TWSG1: variants seen among roughly 807,000 people sequenced by gnomAD.
TWSG1 encodes twisted gastrulation BMP signaling modulator 1.
Under a neutral mutation model 23.0 loss-of-function variants are expected in TWSG1, and 15 were observed. That is an observed-to-expected ratio of 0.65 (90% CI 0.44 to 1.00). TWSG1 has a LOEUF of 1.00. TWSG1 is among the 50% of genes least tolerant of loss of function. The pLI, the probability that TWSG1 is intolerant of heterozygous loss-of-function variation, is 0.00. For synonymous variants in TWSG1, 86 were observed against 92.8 expected (o/e 0.93, Z 0.42); for missense variants, 242 against 278.7 (o/e 0.87, Z 0.94).
intron 3 of TWSG1, among the ~76,000 whole-genome samples, chr18:9,388,671 C>T (rs1247379965): frequency 6.6e-6 from 1 of 152,104 alleles, no homozygotes; most frequent in East Asian, 1.9e-4. Context: ...ACAAAACTGC[C>T]CCCAAATTGT....
chr18:9,339,758 G>A (rs778926374), intron 2 of TWSG1, among the ~76,000 whole-genome samples: 26 of 151,480 alleles, frequency 1.7e-4, no homozygotes, highest in African/African-American at 1.5e-4. Context: ...AGCTGAGATC[G>A]TGCGACTGCA....
At chr18:9,377,676 A>G (rs1209838413) in intron 3 of TWSG1, among the ~76,000 whole-genome samples, 1 of 152,220 alleles carries the variant, frequency 6.6e-6, no homozygotes, top group Non-Finnish European at 1.5e-5. Context: ...AGAAGATAAC[A>G]TAAGAGAAAA....
rs1178967661 is a variant in TWSG1, at chr18:9,400,343, C to G, written c.*816C>G. ...ACTTCAGGTACCAGCTTAAAGAGCACTAGGGATGGGGAACGAATGCCAAAT... is the reference window on the plus strand; with the variant it reads ...ACTTCAGGTACCAGCTTAAAGAGCAGTAGGGATGGGGAACGAATGCCAAAT... On this transcript the variant is annotated 3_prime_UTR_variant, in exon 5 of 5. Coordinates refer to ENST00000262120, the MANE Select transcript of TWSG1 (RefSeq NM_020648.6). 2 of 152,096 alleles carry G rather than the reference C, an allele frequency of 1.3e-5. No individual in the cohort carries two copies. The highest frequency in any genetic ancestry group is 6.6e-5 in the Admixed American group (1 of 15,260). The allele number at this position is 152,096 out of a possible 1,614,324, so 9.4% of individuals were successfully genotyped here.
intron 3 of TWSG1, among the ~76,000 whole-genome samples, chr18:9,390,440 C>T (rs1017058448): frequency 1.3e-5 from 2 of 152,086 alleles, no homozygotes; most frequent in Non-Finnish European, 2.9e-5. Flanking sequence ...GGATTACAGG[C>T]GTGAGCCACT....
chr18:9,376,577 C>T (rs1007562649), intron 3 of TWSG1, among the ~76,000 whole-genome samples: 1 of 152,184 alleles, frequency 6.6e-6, no homozygotes, highest in African/African-American at 2.4e-5. Context: ...CATGGTGGCT[C>T]ACGCCTGTAA....
In TWSG1 at chr18:9,399,490, G is replaced by A. The variant is rs2040753461; in HGVS notation, c.635G>A (p.Gly212Asp). 2 of 1,609,614 alleles carry A rather than the reference G, an allele frequency of 1.2e-6. No individual in the cohort carries two copies. The highest frequency in any genetic ancestry group is 1.7e-6 in the Non-Finnish European group (2 of 1,179,010). Residue 212 changes from glycine to aspartate, a missense_variant, in exon 5 of 5, where the codon GGT becomes GAT. Transcript: ENST00000262120. Reference sequence around the variant, plus strand: ...ATTGGTCCAGAATGTATTGACTATGGTAGTAAAACTGTCAAATGTATGAAC... The same window carrying A: ...ATTGGTCCAGAATGTATTGACTATGATAGTAAAACTGTCAAATGTATGAAC... ...ECIGPECIDYGSKTVKCMNCM... is the reference protein window; with the variant it reads ...ECIGPECIDYDSKTVKCMNCM...
At chr18:9,376,832 CAA>C (rs59781624) in intron 3 of TWSG1, among the ~76,000 whole-genome samples, 59 of 100,724 alleles carry the variant, frequency 5.9e-4, no homozygotes, top group Admixed American at 5.3e-4. Flanking sequence ...ACCCTGTCTC[CAA>C]AAAAAAAAAA....
Position 9,398,238 on chromosome 18 carries a change from CAACAT to C in TWSG1, c.491-1103_491-1099del, listed in dbSNP as rs371361373. ...TCTCCATTATTAAAATGTAAGTAATCAACATAACAGATATTAAATAATAATTCATA... is the reference window on the plus strand; with the variant it reads ...TCTCCATTATTAAAATGTAAGTAATCAACAGATATTAAATAATAATTCATA... On this transcript the variant is annotated intron_variant, in intron 4 of 4. Coordinates refer to ENST00000262120, the MANE Select transcript of TWSG1 (RefSeq NM_020648.6). 1.4e-3 allele frequency among the ~76,000 whole-genome samples: 219 copies of C among 152,052 alleles called. 1 individual carries two copies. Among genetic ancestry groups the C allele is most frequent in the African/African-American group, 5.1e-3 (212 of 41,488 alleles).
At chr18:9,343,111 C>A (rs2040453453) in intron 2 of TWSG1, among the ~76,000 whole-genome samples, 1 of 151,236 alleles carries the variant, frequency 6.6e-6, no homozygotes, top group Admixed American at 6.6e-5. Flanking sequence ...ACTGTTGAGT[C>A]TAGTGTTGGT....
chr18:9,385,659 G>A (rs1439473829), intron 3 of TWSG1, among the ~76,000 whole-genome samples: 1 of 115,594 alleles, frequency 8.7e-6, no homozygotes, highest in Non-Finnish European at 1.7e-5. Context: ...ACTGCAGTCC[G>A]CAGTCCGACC....
intron 3 of TWSG1, among the ~76,000 whole-genome samples, chr18:9,373,313 G>A (rs2040614697): frequency 6.6e-6 from 1 of 152,160 alleles, no homozygotes. Context: ...TGGATCACTT[G>A]AGGGCAGGAG....
Position 9,337,177 on chromosome 18 carries a change from G to GTGTT in TWSG1, c.-37-6_-37-3dup, listed in dbSNP as rs1318503288. The GTGTT allele has an allele frequency of 1.5e-5, 24 of 1,596,292 alleles. No individual in the cohort carries two copies. The highest frequency in any genetic ancestry group is 1.8e-5 in the Non-Finnish European group (21 of 1,174,578). On this transcript the variant is annotated splice_polypyrimidine_tract_variant and intron_variant, in intron 1 of 4. Transcript: ENST00000262120. ...TAGCACTTGCCTTTGAATTAAAGTT[G>GTGTT]TGTTTGTTTGTTTAGTTTCCTGGGA... is the stretch of plus-strand genomic sequence containing the variant.
chr18:9,346,248 GCCTTTTAA>G (rs2040476965), intron 2 of TWSG1, among the ~76,000 whole-genome samples: 1 of 152,072 alleles, frequency 6.6e-6, no homozygotes, highest in Non-Finnish European at 1.5e-5. Context: ...ACAGAATGTA[GCCTTTTAA>G]AAGGGGCTTC....
chr18:9,368,392 A>G (rs1212073720), intron 3 of TWSG1, among the ~76,000 whole-genome samples: 1 of 152,078 alleles, frequency 6.6e-6, no homozygotes, highest in Non-Finnish European at 1.5e-5. Flanking sequence ...TAGGAGAGAT[A>G]GGGTTTCGCC....
chr18:9,377,510 C>T (rs574585177), intron 3 of TWSG1, among the ~76,000 whole-genome samples: 31 of 151,816 alleles, frequency 2.0e-4, no homozygotes, highest in Non-Finnish European at 3.8e-4. Flanking sequence ...TGAGCCACCG[C>T]GCCTGGCCTA....
chr18:9,379,173 T>C (rs1231100083), intron 3 of TWSG1, among the ~76,000 whole-genome samples: 1 of 152,216 alleles, frequency 6.6e-6, no homozygotes, highest in Admixed American at 6.5e-5. Context: ...CACTACTCAG[T>C]ATATACCCAA....
At chr18:9,341,891 T>G (rs2040448011) in intron 2 of TWSG1, among the ~76,000 whole-genome samples, 1 of 152,070 alleles carries the variant, frequency 6.6e-6, no homozygotes, top group African/African-American at 2.4e-5. Context: ...AGAGAGGGTT[T>G]GTTTGGGTTC....
rs146292972 is a variant in TWSG1 at position 9,396,527 on chromosome 18, G to A, written c.471G>A (p.Ala157=). 1.7e-4 allele frequency: 280 copies of A among 1,612,414 alleles called. 1 individual carries two copies. The African/African-American group carries it at 3.0e-3, about 17-fold the overall frequency. Reference sequence around the variant, plus strand: ...CTGTCCCCAGCAATAATGTTCACGCGCCTTATTCCAGTGACAAAGGTAACT... The same window carrying A: ...CTGTCCCCAGCAATAATGTTCACGCACCTTATTCCAGTGACAAAGGTAACT... ...NVSVPSNNVH[A]PYSSDKEHMC... The change falls in exon 4 of 5, where the codon GCG becomes GCA. Residue 157 remains alanine, a synonymous_variant. Coordinates refer to ENST00000262120, the MANE Select transcript of TWSG1 (RefSeq NM_020648.6).
intron 3 of TWSG1, among the ~76,000 whole-genome samples, chr18:9,387,495 G>A (rs2040690209): frequency 6.6e-6 from 1 of 151,888 alleles, no homozygotes; most frequent in South Asian, 2.1e-4. Flanking sequence ...GGCCGGGCGC[G>A]ATGGCTCATG....
Sources: gnomAD v4.1 joint callset for allele counts (sites outside exome capture counted in the v4.1 genomes callset) on GRCh38, gnomAD v4.1.1 for gene constraint, MANE v1.5 for transcripts, NCBI Gene and HGNC (gene_info 2026-07-23, HGNC 2026-07-21) for gene names.